The following SPAG17 variants were observed in gnomAD, a reference collection of about 807,000 sequenced individuals.
SPAG17 encodes sperm-associated antigen 17.
A neutral mutation model predicts 273.6 loss-of-function variants in SPAG17; 169 were observed. The observed-to-expected ratio is 0.62, with a 90% CI of 0.55 to 0.70. SPAG17 has a LOEUF of 0.70. Among genes scored for constraint, SPAG17 ranks in the 30% least tolerant of loss-of-function variants. The pLI, the probability that SPAG17 is intolerant of heterozygous loss-of-function variation, is 0.00. For synonymous variants in SPAG17, 825 were observed against 873.2 expected (o/e 0.94, Z 0.97); for missense variants, 2,557 against 2,627.8 (o/e 0.97, Z 0.59).
intron 3 of SPAG17, among the ~76,000 whole-genome samples, chr1:118,145,378 C>T (rs1239538534): frequency 6.6e-6 from 1 of 152,136 alleles, no homozygotes; most frequent in Non-Finnish European, 1.5e-5. Flanking sequence ...CTAATAAATA[C>T]ATGTTGGAAA....
At chr1:118,171,577 G>T (rs891185755) in intron 1 of SPAG17, among the ~76,000 whole-genome samples, 1 of 152,090 alleles carries the variant, frequency 6.6e-6, no homozygotes, top group African/African-American at 2.4e-5. Context: ...GAGGATAAAA[G>T]ATTTACTAAG....
At chr1:117,978,890 G>A (rs1324126656) in intron 43 of SPAG17, among the ~76,000 whole-genome samples, 2 of 147,084 alleles carry the variant, frequency 1.4e-5, no homozygotes, top group African/African-American at 5.1e-5. Flanking sequence ...TTTTTGAGAC[G>A]GAGTTTCGCT....
At chr1:118,166,004 T>A (rs191748686) in intron 1 of SPAG17, among the ~76,000 whole-genome samples, 3 of 152,320 alleles carry the variant, frequency 2.0e-5, no homozygotes, top group East Asian at 3.9e-4. Flanking sequence ...TGGTTGAACT[T>A]AATATTACTA....
Position 118,005,487 on chromosome 1 carries a change from G to T in SPAG17, c.4703C>A (p.Ala1568Asp). Reference protein sequence around the residue: ...YPFQKREQLRAGRYIMRHTSE... With the variant: ...YPFQKREQLRDGRYIMRHTSE... ...AGTATGCCTCATGATGTACCTGCCAGCTCGCAGCTGCTCACGCTTTTGAAA... is the reference window on the plus strand; with the variant it reads ...AGTATGCCTCATGATGTACCTGCCATCTCGCAGCTGCTCACGCTTTTGAAA... Residue 1568 changes from alanine to aspartate, a missense_variant, in exon 32 of 49, where the codon GCT becomes GAT. By Grantham distance (126) the Ala-to-Asp change is moderately radical. Transcript: ENST00000336338. 1 of 1,613,630 alleles carries T rather than the reference G, an allele frequency of 6.2e-7. No homozygotes were observed. Among genetic ancestry groups the T allele is most frequent in the South Asian group, 1.1e-5 (1 of 90,910 alleles).
chr1:118,054,117 T>C (rs1264504145), intron 19 of SPAG17, 24 bp from the exon 20 acceptor site: 2 of 1,460,416 alleles, frequency 1.4e-6, no homozygotes, highest in Non-Finnish European at 1.9e-6. Flanking sequence ...AAATTAAACT[T>C]CTTAGTAACT....
intron 18 of SPAG17, 144 bp from the exon 19 acceptor site, chr1:118,056,058 G>A: frequency 1.7e-6 from 1 of 594,180 alleles, no homozygotes. Flanking sequence ...GTACAAAATA[G>A]TCAAATACAA....
intron 20 of SPAG17, among the ~76,000 whole-genome samples, chr1:118,045,331 G>A (rs1650229345): frequency 6.6e-6 from 1 of 152,154 alleles, no homozygotes; most frequent in East Asian, 1.9e-4. Context: ...GAGGGAGGAG[G>A]AGCCAGAGAT....
At chr1:117,979,485 A>G (rs1315965379) in intron 43 of SPAG17, among the ~76,000 whole-genome samples, 1 of 151,400 alleles carries the variant, frequency 6.6e-6, no homozygotes, top group Non-Finnish European at 1.5e-5. Flanking sequence ...GTCTTCAGCA[A>G]CTCTCGCATG....
In SPAG17 at chr1:118,082,491, A is replaced by G. The variant is rs186484619; in HGVS notation, c.1763-849T>C. Among the ~76,000 whole-genome samples, 91 of 152,310 alleles carry G rather than the reference A, an allele frequency of 6.0e-4. 1 individual carries two copies. The East Asian group carries it at 0.014, about 23-fold the overall frequency. On this transcript the variant is annotated intron_variant, in intron 13 of 48. Transcript: ENST00000336338. ...TCAGAAGAGAGACAAGGAAGAGGTA[A>G]AAGAGTTACAGAAGGAAGGAGAGAT...
chr1:118,021,764 G>T (rs1373458947), intron 28 of SPAG17, among the ~76,000 whole-genome samples: 1 of 151,956 alleles, frequency 6.6e-6, no homozygotes, highest in African/African-American at 2.4e-5. Context: ...GAAATCTGGG[G>T]GACACTGTGC....
rs1322072555 is a variant in SPAG17 at position 118,163,676 on chromosome 1, C to T, written c.88-12307G>A. The stretch of plus-strand genomic sequence containing the variant: ...CTATCCCTACTTCACACATACATGG[C>T]CATCTTCACCTAAGCCCAGACTCCC... On this transcript the variant is annotated intron_variant, in intron 1 of 48. Transcript: ENST00000336338. 2.6e-5 allele frequency among the ~76,000 whole-genome samples: 4 copies of T among 151,768 alleles called. No homozygotes were observed. The East Asian group carries it at 7.7e-4, about 29-fold the overall frequency.
chr1:118,033,096 C>A (rs1013760050), intron 24 of SPAG17, among the ~76,000 whole-genome samples: 1 of 152,172 alleles, frequency 6.6e-6, no homozygotes, highest in Admixed American at 6.5e-5. Context: ...CTGAGCAACT[C>A]TCTTACATAT....
chr1:118,160,577 G>A (rs1448760319), intron 1 of SPAG17, among the ~76,000 whole-genome samples: 10 of 152,164 alleles, frequency 6.6e-5, no homozygotes, highest in Admixed American at 6.5e-5. Flanking sequence ...TTACTACAAA[G>A]CCATGGATAT....
chr1:118,145,343 A>G (rs573763661), intron 3 of SPAG17, among the ~76,000 whole-genome samples: 52 of 152,324 alleles, frequency 3.4e-4, no homozygotes, highest in South Asian at 2.5e-3. Context: ...ATTATAATTA[A>G]GCCTGTGTTC....
At chr1:118,004,198 G>T (rs998168426) in intron 32 of SPAG17, among the ~76,000 whole-genome samples, 1 of 152,144 alleles carries the variant, frequency 6.6e-6, no homozygotes. Context: ...TCGTCCCAGA[G>T]GGGCACCTGC....
chr1:117,990,128 A>G (rs373067364), intron 38 of SPAG17, among the ~76,000 whole-genome samples: 6 of 152,284 alleles, frequency 3.9e-5, no homozygotes, highest in Admixed American at 2.0e-4. Context: ...AGCAGCTGTC[A>G]ATTATCTTCA....
rs139755550 is a variant in SPAG17 at position 118,157,854 on chromosome 1, A to G, written c.88-6485T>C. Among the ~76,000 whole-genome samples, 119 of 152,328 alleles carry G rather than the reference A, an allele frequency of 7.8e-4. 3 individuals carry two copies. In the East Asian group the frequency reaches 0.022, roughly 28 times the overall value. ...GCCCTTCTCAGTACAGCACCTAGCA[A>G]TAATCCTAGCCATCCTTAAAGATAT... On this transcript the variant is annotated intron_variant, in intron 1 of 48. Transcript: ENST00000336338.
In SPAG17 at chr1:118,020,613, A is replaced by G. The variant is rs181113450; in HGVS notation, c.4069+2691T>C. Among the ~76,000 whole-genome samples, 519 of 152,270 alleles carry G rather than the reference A, an allele frequency of 3.4e-3. 5 individuals are homozygous for G. The highest frequency in any genetic ancestry group is 0.02 in the Middle Eastern group (6 of 294). ...ATATTTATTTCACAAATTAAGAAAT[A>G]ATGATTAAATTATAAGGAACGCAGC... On this transcript the variant is annotated intron_variant, in intron 28 of 48. Transcript: ENST00000336338.
At chr1:118,048,974 C>T (rs938177613) in intron 20 of SPAG17, among the ~76,000 whole-genome samples, 6 of 152,038 alleles carry the variant, frequency 3.9e-5, no homozygotes, top group Admixed American at 3.3e-4. Flanking sequence ...AAATTGATAA[C>T]CTAGAAGGAA....
Sources: allele counts gnomAD v4.1 joint callset (sites outside exome capture counted in the v4.1 genomes callset), GRCh38; gene constraint gnomAD v4.1.1; transcripts MANE v1.5; gene names NCBI Gene and HGNC (gene_info 2026-07-23, HGNC 2026-07-21).